DBNDD1: variants seen among roughly 807,000 people sequenced by gnomAD.
The protein encoded by DBNDD1 is dysbindin domain containing 1.
In DBNDD1, 14 loss-of-function variants were observed where a neutral mutation model predicts 17.0. That is an observed-to-expected ratio of 0.82 (90% CI 0.54 to 1.29). DBNDD1 has a LOEUF of 1.29. Ranked by LOEUF, DBNDD1 falls within the 50% of genes most tolerant of loss-of-function variation. The pLI is 0.00. For missense variants in DBNDD1, 221 were observed against 216.2 expected (o/e 1.02, Z -0.14); for synonymous variants, 105 against 102.0 (o/e 1.03, Z -0.18).
chr16:90,019,520 G>GGGCCCC (rs2035732054), upstream of DBNDD1: 1 of 151,348 alleles, frequency 6.6e-6, no homozygotes, highest in African/African-American at 2.5e-5. The surrounding 1 kb of genome is among the most constrained non-coding windows in gnomAD (Gnocchi z 6.1). Context: ...AGCTGCTCCC[G>GGGCCCC]GGCCCCGGCC....
rs2035411456 is a variant in DBNDD1, at chr16:90,005,811, T to C, written c.*524A>G. Reference sequence around the variant, plus strand: ...GGAATTTTGGGGCCGCTTCTCCATGTGTGCTTTGCTGGACAGCACATTGTC... The same window carrying C: ...GGAATTTTGGGGCCGCTTCTCCATGCGTGCTTTGCTGGACAGCACATTGTC... On this transcript the variant is annotated 3_prime_UTR_variant, in exon 4 of 4. Transcript: ENST00000002501. The C allele has an allele frequency of 6.5e-6, 1 of 153,724 alleles. No homozygotes were observed. The highest frequency in any genetic ancestry group is 2.0e-4 in the South Asian group (1 of 4,918). 9.5% of individuals were successfully genotyped at this position (153,724 alleles called of 1,614,324 possible).
At chr16:90,016,202 T>C (rs949599829) in intron 1 of DBNDD1, among the ~76,000 whole-genome samples, 4 of 152,140 alleles carry the variant, frequency 2.6e-5, no homozygotes, top group African/African-American at 9.7e-5. Context: ...ATCTAGTTCA[T>C]GGCTGCATTC....
At chr16:90,009,589 G>T in intron 1 of DBNDD1, 159 bp from the exon 2 acceptor site, 1 of 1,134,434 alleles carries the variant, frequency 8.8e-7, no homozygotes, top group Non-Finnish European at 1.2e-6. Flanking sequence ...CTCATGCCTG[G>T]ACCCAGACAA....
Position 90,009,131 on chromosome 16 carries a change from G to A in DBNDD1, c.178+153C>T, listed in dbSNP as rs1359159081. 2.3e-6 allele frequency: 3 copies of A among 1,283,218 alleles called. No homozygotes were observed. The South Asian group carries it at 4.4e-5, about 19-fold the overall frequency. 79.5% of individuals were successfully genotyped at this position (1,283,218 alleles called of 1,614,324 possible). ...TCACTTGACAGATGGTGCAGCTGAG[G>A]CTCAGAGAACCAGAGCTGCAAGAGC... On this transcript the variant is annotated intron_variant, in intron 2 of 3. Coordinates refer to ENST00000002501, the MANE Select transcript of DBNDD1 (RefSeq NM_001042610.3).
At chr16:90,011,401 CTGAG>C (rs1220915927) in intron 1 of DBNDD1, among the ~76,000 whole-genome samples, 1 of 152,236 alleles carries the variant, frequency 6.6e-6, no homozygotes, top group Non-Finnish European at 1.5e-5. Flanking sequence ...GCCCGGCCTC[CTGAG>C]TGAGGGGCAC....
At chr16:90,012,520 C>T (rs1162293526) in intron 1 of DBNDD1, among the ~76,000 whole-genome samples, 2 of 146,928 alleles carry the variant, frequency 1.4e-5, no homozygotes. Flanking sequence ...AGTGCAATGG[C>T]GTGATCTTGG....
At position 90,006,333 on chromosome 16, in the gene DBNDD1, G is replaced by C. The variant is rs1438003417; in HGVS notation, c.*2C>G. 18 of 1,605,010 alleles carry C rather than the reference G, an allele frequency of 1.1e-5. No homozygotes were observed. Among genetic ancestry groups the C allele is most frequent in the Non-Finnish European group, 1.5e-5 (18 of 1,177,016 alleles). ...GCAGGAGCTGGGGCAGGTGGAGATG[G>C]TCTAGTCCTCCTGGGGCCTCTCCAC... On this transcript the variant is annotated 3_prime_UTR_variant, in exon 4 of 4. Coordinates refer to ENST00000002501, the MANE Select transcript of DBNDD1 (RefSeq NM_001042610.3).
chr16:90,015,357 C>T lies in DBNDD1; in HGVS notation c.31+3954G>A, dbSNP rs943299822. 5.9e-5 allele frequency among the ~76,000 whole-genome samples: 9 copies of T among 152,266 alleles called. No individual in the cohort carries two copies. The South Asian group carries it at 6.2e-4, about 11-fold the overall frequency. The stretch of plus-strand genomic sequence containing the variant: ...GCGTGCAGCTGCTATAAGGCATGCT[C>T]GTGGGTCCTCAAATGACTGAGCCTA... On this transcript the variant is annotated intron_variant, in intron 1 of 3. Coordinates refer to ENST00000002501, the MANE Select transcript of DBNDD1 (RefSeq NM_001042610.3).
chr16:90,018,292 A>C (rs539531632), intron 1 of DBNDD1, among the ~76,000 whole-genome samples: 149 of 152,272 alleles, frequency 9.8e-4, no homozygotes, highest in African/African-American at 3.5e-3. Flanking sequence ...TCAAAACCCA[A>C]ACCCACCAGC....
intron 1 of DBNDD1, among the ~76,000 whole-genome samples, chr16:90,010,711 C>T (rs565157586): frequency 5.6e-4 from 85 of 152,164 alleles, no homozygotes; most frequent in Non-Finnish European, 1.2e-3. Context: ...AAGCCGGGGA[C>T]ATTGGCGAGT....
At position 90,009,441 on chromosome 16, in the gene DBNDD1, A is replaced by G. The variant is rs1332227928; in HGVS notation, c.32-11T>C. ...CCTCCTTAACGATCTCTGCATCCAA[A>G]GACACAGTGTCACCTTGAGATCCAC... On this transcript the variant is annotated splice_polypyrimidine_tract_variant and intron_variant, in intron 1 of 3. Coordinates refer to ENST00000002501, the MANE Select transcript of DBNDD1 (RefSeq NM_001042610.3). The G allele has an allele frequency of 6.2e-7, 1 of 1,608,972 alleles. No homozygotes were observed. Among genetic ancestry groups the G allele is most frequent in the African/African-American group, 1.3e-5 (1 of 74,950 alleles).
In DBNDD1 at chr16:90,009,403, T is replaced by G; in HGVS notation, c.59A>C (p.Gln20Pro). 6.2e-7 allele frequency: 1 copy of G among 1,612,626 alleles called. No individual in the cohort carries two copies. The highest frequency in any genetic ancestry group is 8.5e-7 in the Non-Finnish European group (1 of 1,179,996). The change falls in exon 2 of 4, where the codon CAG becomes CCG. Residue 20 changes from glutamine to proline, a missense_variant. By Grantham distance (76) the Gln-to-Pro change is moderately conservative. Transcript: ENST00000002501. ...GEIVKEAEVP[Q>P]AALGVPAQGT... The stretch of plus-strand genomic sequence containing the variant: ...CTGGGCTGGGACGCCCAGCGCAGCC[T>G]GCGGCACCTCAGCCTCCTTAACGAT...
rs1400702540 is a variant in DBNDD1, at chr16:90,006,188, G to T, written c.*147C>A. The T allele has an allele frequency of 6.1e-6, 7 of 1,148,810 alleles. No homozygotes were observed. The African/African-American group carries it at 7.8e-5, about 13-fold the overall frequency. The allele number at this position is 1,148,810 out of a possible 1,614,324, so 71.2% of individuals were successfully genotyped here. On this transcript the variant is annotated 3_prime_UTR_variant, in exon 4 of 4. Transcript: ENST00000002501. ...GCAGACAAGGCCGGTCTCGGGGCTG[G>T]CAGAGAGCTGCCCCCAGGGTGTGTG...
At position 90,005,901 on chromosome 16, in the gene DBNDD1, T is replaced by C; in HGVS notation, c.*434A>G. Reference sequence around the variant, plus strand: ...TGGCAGCACAGGAAAACGCGGAGGTTGGAGCACCCCCAGGAGTTCCTGGAG... The same window carrying C: ...TGGCAGCACAGGAAAACGCGGAGGTCGGAGCACCCCCAGGAGTTCCTGGAG... On this transcript the variant is annotated 3_prime_UTR_variant, in exon 4 of 4. Coordinates refer to ENST00000002501, the MANE Select transcript of DBNDD1 (RefSeq NM_001042610.3). 1 of 168,652 alleles carries C rather than the reference T, an allele frequency of 5.9e-6. No individual in the cohort carries two copies. The highest frequency in any genetic ancestry group is 1.3e-5 in the Non-Finnish European group (1 of 76,720). 10.4% of individuals were successfully genotyped at this position (168,652 alleles called of 1,614,324 possible).
chr16:90,016,165 G>A (rs1316867603), intron 1 of DBNDD1, among the ~76,000 whole-genome samples: 1 of 152,122 alleles, frequency 6.6e-6, no homozygotes, highest in African/African-American at 2.4e-5. Context: ...TGGGTAGAGC[G>A]AGAAGCATCA....
In DBNDD1 at chr16:90,008,779, C is replaced by T. The variant is rs779920607; in HGVS notation, c.319+5G>A. 1.9e-6 allele frequency: 3 copies of T among 1,590,860 alleles called. No homozygotes were observed. The highest frequency in any genetic ancestry group is 2.6e-6 in the Non-Finnish European group (3 of 1,164,638). ...CTCCCAGCCCAGCCCTGATGCCGGCCTCACCTGCTGGGGACTCGGTGTTGA... is the reference window on the plus strand; with the variant it reads ...CTCCCAGCCCAGCCCTGATGCCGGCTTCACCTGCTGGGGACTCGGTGTTGA... On this transcript the variant is annotated splice_donor_5th_base_variant and intron_variant, in intron 3 of 3. Coordinates refer to ENST00000002501, the MANE Select transcript of DBNDD1 (RefSeq NM_001042610.3).
Position 90,005,783 on chromosome 16 carries a change from G to A in DBNDD1, c.*552C>T, listed in dbSNP as rs910808872. 6.5e-6 allele frequency: 1 copy of A among 153,872 alleles called. No homozygotes were observed. The highest frequency in any genetic ancestry group is 1.4e-5 in the Non-Finnish European group (1 of 69,038). The allele number at this position is 153,872 out of a possible 1,614,324, so 9.5% of individuals were successfully genotyped here. A position where few individuals can be genotyped will look rare whatever the true frequency, so the allele number is the denominator to read the frequency against. On this transcript the variant is annotated 3_prime_UTR_variant, in exon 4 of 4. Coordinates refer to ENST00000002501, the MANE Select transcript of DBNDD1 (RefSeq NM_001042610.3). Reference sequence around the variant, plus strand: ...AAGAAGGGGCAGGATGGAAATCAAGGTGGGAATTTTGGGGCCGCTTCTCCA... The same window carrying A: ...AAGAAGGGGCAGGATGGAAATCAAGATGGGAATTTTGGGGCCGCTTCTCCA...
rs118065055 is a variant in DBNDD1, at chr16:90,006,702, C to T, written c.320-210G>A. ...GTGGATGTTGTGGTCTGGGTGGGGC[C>T]TGGGCAGGGTCTTTTCTGGTGCTCC... On this transcript the variant is annotated intron_variant, in intron 3 of 3. Coordinates refer to ENST00000002501, the MANE Select transcript of DBNDD1 (RefSeq NM_001042610.3). 2.1e-5 allele frequency: 14 copies of T among 653,686 alleles called. No homozygotes were observed. In the East Asian group the frequency reaches 3.4e-4, roughly 16 times the overall value. 40.5% of individuals were successfully genotyped at this position (653,686 alleles called of 1,614,324 possible).
At chr16:90,013,489 C>T (rs2035590810) in intron 1 of DBNDD1, among the ~76,000 whole-genome samples, 1 of 152,112 alleles carries the variant, frequency 6.6e-6, no homozygotes, top group Non-Finnish European at 1.5e-5. Context: ...AGCTCTCAGC[C>T]ATCACCTGTC....
Sources: gnomAD v4.1 joint callset for allele counts (sites outside exome capture counted in the v4.1 genomes callset) on GRCh38, gnomAD v4.1.1 for gene constraint, Gnocchi (gnomAD v3.1) non-coding constraint, MANE v1.5 for transcripts, NCBI Gene and HGNC (gene_info 2026-07-23, HGNC 2026-07-21) for gene names.